The following SLC7A2 variants were observed in gnomAD, a reference collection of about 807,000 sequenced individuals.
SLC7A2 encodes solute carrier family 7 member 2, also known as cationic amino acid transporter 2.
SLC7A2 carries 48 observed loss-of-function variants against 58.9 expected under a neutral mutation model. The observed-to-expected ratio is 0.82, with a 90% CI of 0.65 to 1.04. The LOEUF is 1.04. Among genes scored for constraint, SLC7A2 ranks in the 50% least tolerant of loss-of-function variants. SLC7A2 has a pLI of 0.00. For missense variants in SLC7A2, 1,029 were observed against 818.8 expected, an observed-to-expected ratio of 1.26 and a Z score of -3.13; for synonymous variants, 363 against 314.5, an observed-to-expected ratio of 1.15 and a Z score of -1.63.
At chr8:17,539,281 A>G (rs1237964964) in intron 2 of SLC7A2, among the ~76,000 whole-genome samples, 1 of 152,148 alleles carries the variant, frequency 6.6e-6, no homozygotes, top group Non-Finnish European at 1.5e-5. Flanking sequence ...ATAGGGACTT[A>G]TCAAGGAATA....
At chr8:17,511,979 C>T (rs1223351695) in intron 2 of SLC7A2, among the ~76,000 whole-genome samples, 1 of 152,136 alleles carries the variant, frequency 6.6e-6, no homozygotes, top group Non-Finnish European at 1.5e-5. Flanking sequence ...AAATCTTTGG[C>T]GTACTTGGCT....
chr8:17,535,631 G>T (rs1162974005), intron 2 of SLC7A2, among the ~76,000 whole-genome samples: 3 of 152,178 alleles, frequency 2.0e-5, no homozygotes, highest in African/African-American at 7.2e-5. Flanking sequence ...GGCCGGGCGC[G>T]GTGGCTTACG....
chr8:17,500,012 A>G (rs1417057570), intron 1 of SLC7A2: 1 of 152,210 alleles, frequency 6.6e-6, no homozygotes, highest in African/African-American at 2.4e-5. Flanking sequence ...CTTCAAATGT[A>G]TTTATTCCTT....
rs200048108 is a variant in SLC7A2, at chr8:17,548,746, G to C, written c.601G>C (p.Val201Leu). ...AGTCTTCACAGCTGTTAATATTCTCGTCCTTCTGTTTGTGATGGTTGCTGG... is the reference window on the plus strand; with the variant it reads ...AGTCTTCACAGCTGTTAATATTCTCCTCCTTCTGTTTGTGATGGTTGCTGG... ...NKVFTAVNIL[V>L]LLFVMVAGFV... The change falls in exon 5 of 13, where the codon GTC (valine) becomes CTC (leucine). Residue 201 changes from valine (V) to leucine (L), a missense_variant. Physicochemically the swap from Val to Leu is conservative, Grantham distance 32. Transcript: ENST00000494857. The C allele has an allele frequency of 2.5e-6, 4 of 1,613,640 alleles. No homozygotes were observed. In the African/African-American group the frequency reaches 4.0e-5, roughly 16 times the overall value.
At chr8:17,505,725 T>C (rs918644577) in intron 2 of SLC7A2, among the ~76,000 whole-genome samples, 10 of 152,196 alleles carry the variant, frequency 6.6e-5, no homozygotes, top group African/African-American at 2.4e-4. Context: ...TATCTAAAAT[T>C]GGAGCATCTT....
In SLC7A2 at chr8:17,569,458, A is replaced by G. The variant is rs1398829238; in HGVS notation, c.*4312A>G. 3 of 152,218 alleles carry G rather than the reference A, an allele frequency of 2.0e-5. No individual in the cohort carries two copies. Among genetic ancestry groups the G allele is most frequent in the African/African-American group, 7.2e-5 (3 of 41,440 alleles). The allele number at this position is 152,218 out of a possible 1,614,324, so 9.4% of individuals were successfully genotyped here. A position where few individuals can be genotyped will look rare whatever the true frequency, so the allele number is the denominator to read the frequency against. ...GGAAAGTATGGATATTCGCGTAGCA[A>G]TAATGCCAGCAAAGGTCATTTTCAT... On this transcript the variant is annotated 3_prime_UTR_variant, in exon 13 of 13. Coordinates refer to ENST00000494857, the MANE Select transcript of SLC7A2 (RefSeq NM_001370338.1).
intron 2 of SLC7A2, among the ~76,000 whole-genome samples, chr8:17,506,946 A>ATTT (rs34439439): frequency 1.3e-4 from 18 of 140,038 alleles, no homozygotes; most frequent in East Asian, 6.3e-4. Context: ...TATTTGTGGA[A>ATTT]TTTTTTTTTT....
At chr8:17,532,147 T>C (rs976520765) in intron 2 of SLC7A2, among the ~76,000 whole-genome samples, 4 of 144,112 alleles carry the variant, frequency 2.8e-5, no homozygotes, top group South Asian at 2.2e-4. Context: ...GGAGAATCAC[T>C]TGAACCCGGG....
chr8:17,530,320 C>T (rs1801395520), intron 2 of SLC7A2, among the ~76,000 whole-genome samples: 2 of 152,128 alleles, frequency 1.3e-5, no homozygotes, highest in South Asian at 4.1e-4. Flanking sequence ...AGGGAGAGGG[C>T]AAGGGGGCAA....
At chr8:17,522,808 T>C (rs979112144) in intron 2 of SLC7A2, among the ~76,000 whole-genome samples, 1 of 152,166 alleles carries the variant, frequency 6.6e-6, no homozygotes, top group African/African-American at 2.4e-5. Context: ...AGCTGAGATA[T>C]GAGGATCGCT....
chr8:17,565,982 TA>T lies in SLC7A2; in HGVS notation c.*841del, dbSNP rs1803246394. On this transcript the variant is annotated 3_prime_UTR_variant, in exon 13 of 13. Coordinates refer to ENST00000494857, the MANE Select transcript of SLC7A2 (RefSeq NM_001370338.1). ...GTGATATACTTGGGACCCTTTAAAT[TA>T]AAAAGTGAAGATAGTCACCAGGGCC... 1 of 152,116 alleles carries T rather than the reference TA, an allele frequency of 6.6e-6. No individual in the cohort carries two copies. Among genetic ancestry groups the T allele is most frequent in the African/African-American group, 2.4e-5 (1 of 41,390 alleles). The allele number at this position is 152,116 out of a possible 1,614,324, so 9.4% of individuals were successfully genotyped here.
At chr8:17,558,238 C>A in intron 8 of SLC7A2, 57 bp from the exon 9 acceptor site, 1 of 1,098,356 alleles carries the variant, frequency 9.1e-7, no homozygotes, top group Non-Finnish European at 1.4e-6. Flanking sequence ...ACGTTAGTAA[C>A]TGTATGGAAT....
At chr8:17,498,312 C>A (rs1194503170) in intron 1 of SLC7A2, among the ~76,000 whole-genome samples, 1 of 152,144 alleles carries the variant, frequency 6.6e-6, no homozygotes, top group Non-Finnish European at 1.5e-5. Context: ...ATGTATGTGG[C>A]CTTGACTTGA....
rs761414560 is a variant in SLC7A2 at position 17,561,974 on chromosome 8, C to T, written c.1535C>T (p.Thr512Ile). ...CTCGTGTTGGGCCTGAGTGTCTTGA[C>T]CACTTACGGAGTTCATGCCATCACC... ...AFLVLGLSVL[T>I]TYGVHAITRL... Residue 512 changes from threonine to isoleucine, a missense_variant, in exon 11 of 13, where the codon ACC (threonine) becomes ATC (isoleucine). By Grantham distance (89) the Thr-to-Ile change is moderately conservative. Transcript: ENST00000494857. 4 of 1,614,098 alleles carry T rather than the reference C, an allele frequency of 2.5e-6. 1 individual carries two copies. The highest frequency in any genetic ancestry group is 3.4e-6 in the Non-Finnish European group (4 of 1,180,016).
intron 2 of SLC7A2, among the ~76,000 whole-genome samples, chr8:17,529,026 G>A (rs1403201210): frequency 2.6e-5 from 4 of 152,140 alleles, no homozygotes; most frequent in Non-Finnish European, 5.9e-5. Context: ...ATCCACTAGA[G>A]TTTCAAATGT....
chr8:17,497,625 G>A (rs971472748), intron 1 of SLC7A2, among the ~76,000 whole-genome samples: 2 of 152,196 alleles, frequency 1.3e-5, no homozygotes, highest in Non-Finnish European at 2.9e-5. Context: ...GGAGCTCGGC[G>A]CACCCCTCTC....
At chr8:17,500,238 C>T (rs965205964) in intron 1 of SLC7A2, 12 of 152,194 alleles carry the variant, frequency 7.9e-5, no homozygotes, top group African/African-American at 2.9e-4. Context: ...AAGTAATTTA[C>T]ATGCTCTCTC....
At chr8:17,550,259 T>C in intron 5 of SLC7A2, 42 bp from the exon 6 acceptor site, 1 of 1,597,752 alleles carries the variant, frequency 6.3e-7, no homozygotes, top group Non-Finnish European at 8.5e-7. Flanking sequence ...AGGAGAGTTT[T>C]CTGTCAAAGT....
chr8:17,527,869 A>C (rs530001451), intron 2 of SLC7A2, among the ~76,000 whole-genome samples: 2 of 152,144 alleles, frequency 1.3e-5, no homozygotes, highest in Non-Finnish European at 2.9e-5. Flanking sequence ...TGGATGGAGG[A>C]CACAATTCAA....
Sources: allele counts gnomAD v4.1 joint callset (sites outside exome capture counted in the v4.1 genomes callset), GRCh38; gene constraint gnomAD v4.1.1; transcripts MANE v1.5; gene names NCBI Gene and HGNC (gene_info 2026-07-23, HGNC 2026-07-21).